GRIA4: variants seen among roughly 807,000 people sequenced by gnomAD.
GRIA4 encodes the protein glutamate ionotropic receptor AMPA type subunit 4, also known as glutamate receptor 4.
GRIA4 carries 34 observed loss-of-function variants against 104.0 expected under a neutral mutation model. That is an observed-to-expected ratio of 0.33 (90% confidence interval 0.25 to 0.44). The LOEUF (loss-of-function observed/expected upper bound fraction) is 0.44. GRIA4 is among the 20% of genes least tolerant of loss of function. GRIA4 has a pLI of 1.00. For missense variants in GRIA4, 750 were observed against 1,096.5 expected, an observed-to-expected ratio of 0.68 and a Z score of 4.46; for synonymous variants, 386 against 381.9, an observed-to-expected ratio of 1.01 and a Z score of -0.13.
chr11:105,848,826 G>T (rs1163937014), intron 4 of GRIA4, among the ~76,000 whole-genome samples: 2 of 152,164 alleles, frequency 1.3e-5, no homozygotes, highest in African/African-American at 4.8e-5. Flanking sequence ...AGATGTGGTT[G>T]TGTGGAGAGT....
intron 3 of GRIA4, among the ~76,000 whole-genome samples, chr11:105,680,537 G>A (rs149128687): frequency 3.9e-5 from 6 of 152,082 alleles, no homozygotes; most frequent in Admixed American, 6.6e-5. Context: ...TGTGTGTATG[G>A]GCCAATTGGC....
intron 8 of GRIA4, among the ~76,000 whole-genome samples, 161 bp from the exon 9 acceptor site, chr11:105,905,036 T>C (rs762680882): frequency 4.6e-5 from 7 of 152,192 alleles, no homozygotes; most frequent in Non-Finnish European, 8.8e-5. Flanking sequence ...TATTCCTATT[T>C]CAGATGCTAT....
intron 4 of GRIA4, among the ~76,000 whole-genome samples, chr11:105,839,074 G>A (rs1287386904): frequency 4.0e-5 from 6 of 151,574 alleles, no homozygotes; most frequent in African/African-American, 9.7e-5. Context: ...TGCATGCACC[G>A]GCCCCCTCTA....
chr11:105,620,747 C>G (rs1050290768), intron 3 of GRIA4, among the ~76,000 whole-genome samples: 1 of 151,870 alleles, frequency 6.6e-6, no homozygotes, highest in African/African-American at 2.4e-5. Flanking sequence ...ACTCTTTTAA[C>G]TGTTATGTAA....
At chr11:105,718,471 T>C (rs1411501896) in intron 3 of GRIA4, among the ~76,000 whole-genome samples, 1 of 152,222 alleles carries the variant, frequency 6.6e-6, no homozygotes, top group African/African-American at 2.4e-5. Flanking sequence ...TCAACAAATT[T>C]GATTCACTGG....
At chr11:105,747,550 T>A (rs1429715833) in intron 3 of GRIA4, among the ~76,000 whole-genome samples, 1 of 152,182 alleles carries the variant, frequency 6.6e-6, no homozygotes, top group Admixed American at 6.5e-5. Context: ...TGGAGATATT[T>A]ACTAAAATCA....
At chr11:105,853,663 T>C (rs985987929) in intron 4 of GRIA4, among the ~76,000 whole-genome samples, 1 of 152,194 alleles carries the variant, frequency 6.6e-6, no homozygotes, top group East Asian at 1.9e-4. Context: ...AAATGTCATA[T>C]GGCTCCACCT....
At position 105,874,434 on chromosome 11, in the gene GRIA4, G is replaced by GT. The variant is rs1182864518; in HGVS notation, c.672+12232dup. Among the ~76,000 whole-genome samples, 3 of 152,276 alleles carry GT rather than the reference G, an allele frequency of 2.0e-5. No homozygotes were observed. The East Asian group carries it at 5.8e-4, about 29-fold the overall frequency. Reference sequence around the variant, plus strand: ...TCGGTTCCATATGAAATTTAAAGTAGTTTTTTCTAACCCGGTGAAGAAAGT... The same window carrying GT: ...TCGGTTCCATATGAAATTTAAAGTAGTTTTTTTCTAACCCGGTGAAGAAAGT... On this transcript the variant is annotated intron_variant, in intron 5 of 16. Transcript: ENST00000282499.
At chr11:105,841,853 T>C (rs1431729718) in intron 4 of GRIA4, among the ~76,000 whole-genome samples, 1 of 152,158 alleles carries the variant, frequency 6.6e-6, no homozygotes, top group Non-Finnish European at 1.5e-5. Context: ...GCTAGAGATA[T>C]CATAAAAGAG....
At chr11:105,688,011 C>A (rs997895221) in intron 3 of GRIA4, among the ~76,000 whole-genome samples, 2 of 151,946 alleles carry the variant, frequency 1.3e-5, no homozygotes, top group Non-Finnish European at 2.9e-5. Context: ...CATATATAGA[C>A]CTAAGTAGAG....
Position 105,971,900 on chromosome 11 carries a change from T to A in GRIA4, c.2295-14T>A. ...AACATATATAATGTTATTTATGTTA[T>A]TTTCCACGTGAAGAACTCCTGTAAA... On this transcript the variant is annotated splice_polypyrimidine_tract_variant and intron_variant, in intron 14 of 16. Transcript: ENST00000282499. 1 of 1,472,700 alleles carries A rather than the reference T, an allele frequency of 6.8e-7. No individual in the cohort carries two copies. Among genetic ancestry groups the A allele is most frequent in the Non-Finnish European group, 9.5e-7 (1 of 1,052,852 alleles). 91.2% of individuals were successfully genotyped at this position (1,472,700 alleles called of 1,614,324 possible). A position where few individuals can be genotyped will look rare whatever the true frequency, so the allele number is the denominator to read the frequency against.
intron 3 of GRIA4, among the ~76,000 whole-genome samples, chr11:105,663,406 A>G (rs1952072189): frequency 6.6e-6 from 1 of 151,942 alleles, no homozygotes; most frequent in South Asian, 2.1e-4. Context: ...ACTGAGCTCT[A>G]CAGATAAGTA....
At chr11:105,945,018 T>C (rs1039101534) in intron 14 of GRIA4, among the ~76,000 whole-genome samples, 1 of 152,190 alleles carries the variant, frequency 6.6e-6, no homozygotes, top group Admixed American at 6.5e-5. Flanking sequence ...AGATTTAGTA[T>C]TGCTTCAATC....
chr11:105,953,841 C>G (rs577182053), intron 14 of GRIA4, among the ~76,000 whole-genome samples: 83 of 152,092 alleles, frequency 5.5e-4, no homozygotes, highest in African/African-American at 1.9e-3. Context: ...TTCTTAGGGT[C>G]TCTAATACTT....
At chr11:105,711,081 T>A (rs1389731112) in intron 3 of GRIA4, among the ~76,000 whole-genome samples, 1 of 152,142 alleles carries the variant, frequency 6.6e-6, no homozygotes, top group Non-Finnish European at 1.5e-5. Flanking sequence ...CATAAAAGTA[T>A]ACAATAATTT....
chr11:105,739,937 G>A (rs1266184714), intron 3 of GRIA4, among the ~76,000 whole-genome samples: 1 of 152,150 alleles, frequency 6.6e-6, no homozygotes, highest in Non-Finnish European at 1.5e-5. Context: ...AGTCCAAGAG[G>A]CTGAGCAGTG....
intron 3 of GRIA4, among the ~76,000 whole-genome samples, chr11:105,625,779 G>A (rs1181833636): frequency 1.3e-5 from 2 of 152,036 alleles, no homozygotes; most frequent in African/African-American, 4.8e-5. Flanking sequence ...ATTGGTTCCT[G>A]TTAAGTCTAT....
Position 105,725,524 on chromosome 11 carries a change from G to A in GRIA4, c.248-27457G>A, listed in dbSNP as rs143743939. ...GGTGTCAGAAACCTCATCATGTGTC[G>A]AAACCACATGATTTATTTGCAGGGG... On this transcript the variant is annotated intron_variant, in intron 3 of 16. Transcript: ENST00000282499. Among the ~76,000 whole-genome samples the A allele has an allele frequency of 4.6e-4, 70 of 152,164 alleles. 2 individuals carry two copies. The highest frequency in any genetic ancestry group is 1.4e-3 in the African/African-American group (58 of 41,506).
intron 7 of GRIA4, among the ~76,000 whole-genome samples, chr11:105,900,519 T>G (rs1380776733): frequency 6.6e-6 from 1 of 152,162 alleles, no homozygotes; most frequent in African/African-American, 2.4e-5. Flanking sequence ...AATCCAACCA[T>G]CTTCCAAGGC....
Sources: gnomAD v4.1 joint callset for allele counts (sites outside exome capture counted in the v4.1 genomes callset) on GRCh38, gnomAD v4.1.1 for gene constraint, MANE v1.5 for transcripts, NCBI Gene and HGNC (gene_info 2026-07-23, HGNC 2026-07-21) for gene names.